Variants in DPP10 observed in about 807,000 individuals in gnomAD.
DPP10 encodes inactive dipeptidyl peptidase 10.
In DPP10, 33 loss-of-function variants were observed where a neutral mutation model predicts 120.9. The observed-to-expected ratio is 0.27, with a 90% CI of 0.21 to 0.37. The LOEUF is 0.37. DPP10 is among the 10% of genes least tolerant of loss of function. The probability of loss-of-function intolerance (pLI) is 1.00; values close to 1 mark genes in which losing one functional copy is unlikely to be tolerated. For synonymous variants in DPP10, 337 were observed against 326.1 expected (o/e 1.03, Z -0.36); for missense variants, 816 against 942.8 (o/e 0.87, Z 1.76).
Position 114,702,615 on chromosome 2 carries a change from C to A in DPP10, c.60+259777C>A, listed in dbSNP as rs139022908. Among the ~76,000 whole-genome samples the A allele has an allele frequency of 6.0e-4, 92 of 152,258 alleles. No homozygotes were observed. The East Asian group carries it at 0.016, about 27-fold the overall frequency. On this transcript the variant is annotated intron_variant, in intron 1 of 25. Transcript: ENST00000410059. Reference sequence around the variant, plus strand: ...TGGTCCATGAGGCCATTTGAAGACACTTAAAATGCCTATTTCATTCCTCAC... The same window carrying A: ...TGGTCCATGAGGCCATTTGAAGACAATTAAAATGCCTATTTCATTCCTCAC...
intron 1 of DPP10, among the ~76,000 whole-genome samples, chr2:115,303,855 C>A (rs2105991201): frequency 6.6e-6 from 1 of 151,988 alleles, no homozygotes; most frequent in East Asian, 1.9e-4. Flanking sequence ...ATTTCTATAT[C>A]TCAAGGCTTT....
At chr2:115,841,685 A>AT (rs950466433) in intron 25 of DPP10, among the ~76,000 whole-genome samples, 1 of 152,172 alleles carries the variant, frequency 6.6e-6, no homozygotes, top group African/African-American at 2.4e-5. Flanking sequence ...TAATATTTGT[A>AT]TTTTTTATTT....
chr2:115,261,272 G>A (rs993012040), intron 1 of DPP10, among the ~76,000 whole-genome samples: 3 of 152,054 alleles, frequency 2.0e-5, no homozygotes, highest in African/African-American at 7.2e-5. Flanking sequence ...TTCTTAAGTC[G>A]GCTAGAAGAC....
chr2:115,083,888 C>T (rs978105927), intron 1 of DPP10, among the ~76,000 whole-genome samples: 52 of 152,200 alleles, frequency 3.4e-4, no homozygotes, highest in African/African-American at 1.2e-3. Context: ...ATTAACAAAG[C>T]GGGACAGTAG....
chr2:115,309,322 C>A lies in DPP10; in HGVS notation c.144C>A (p.Leu48=). ...TGGTGATTTTAGTTGTATGCTCACT[C>A]ATCACTATGTCAGTCATCCTCTTAA... ...ALLVILVVCS[L]ITMSVILLTP... The change falls in exon 2 of 26, where the codon CTC becomes CTA. Residue 48 remains leucine, a synonymous_variant. Transcript: ENST00000410059. 6.2e-7 allele frequency: 1 copy of A among 1,613,456 alleles called. No homozygotes were observed. Among genetic ancestry groups the A allele is most frequent in the Non-Finnish European group, 8.5e-7 (1 of 1,179,606 alleles).
chr2:115,308,022 C>T (rs923673634), intron 1 of DPP10, among the ~76,000 whole-genome samples: 7 of 152,090 alleles, frequency 4.6e-5, no homozygotes, highest in Non-Finnish European at 1.0e-4. Context: ...AGCGATTTAT[C>T]TGAGAAGGGA....
intron 4 of DPP10, among the ~76,000 whole-genome samples, chr2:115,501,031 A>C (rs544095399): frequency 5.1e-4 from 78 of 152,164 alleles, no homozygotes; most frequent in African/African-American, 1.8e-3. Flanking sequence ...TTAAAGTCAG[A>C]ATGAATGGAT....
chr2:115,639,038 A>G (rs1292232592), intron 5 of DPP10, among the ~76,000 whole-genome samples: 1 of 152,138 alleles, frequency 6.6e-6, no homozygotes, highest in Non-Finnish European at 1.5e-5. Flanking sequence ...GGTGGCCACT[A>G]CCACTGTGAG....
At chr2:114,798,504 T>C (rs1048265428) in intron 1 of DPP10, among the ~76,000 whole-genome samples, 3 of 152,172 alleles carry the variant, frequency 2.0e-5, no homozygotes, top group African/African-American at 7.2e-5. Context: ...ATTTGTTTAT[T>C]CTTCTTTTTC....
At chr2:115,473,565 C>G (rs969759719) in intron 3 of DPP10, among the ~76,000 whole-genome samples, 2 of 152,086 alleles carry the variant, frequency 1.3e-5, no homozygotes, top group African/African-American at 2.4e-5. Context: ...GCCAATTTTT[C>G]AGAATGGGCA....
At chr2:115,516,425 G>T (rs1021986966) in intron 4 of DPP10, among the ~76,000 whole-genome samples, 1 of 151,924 alleles carries the variant, frequency 6.6e-6, no homozygotes, top group Non-Finnish European at 1.5e-5. Context: ...TGATATCTCT[G>T]CTTATCAAAA....
chr2:115,826,115 G>A (rs1688284929), intron 21 of DPP10, among the ~76,000 whole-genome samples: 1 of 152,130 alleles, frequency 6.6e-6, no homozygotes, highest in African/African-American at 2.4e-5. Flanking sequence ...GGGAAATTAG[G>A]CTGTTAACCT....
At chr2:115,184,597 C>T (rs1329365206) in intron 1 of DPP10, among the ~76,000 whole-genome samples, 1 of 152,188 alleles carries the variant, frequency 6.6e-6, no homozygotes, top group Non-Finnish European at 1.5e-5. Flanking sequence ...CAAAGCCAAG[C>T]CGGCTCTAAT....
rs552601897 is a variant in DPP10, at chr2:115,662,440, T to C, written c.442-27247T>C. Reference sequence around the variant, plus strand: ...ATTTTTATTTTTGTTTTTTATTTTTTTTTTTTAGCAACTTCTGTATTGTTT... The same window carrying C: ...ATTTTTATTTTTGTTTTTTATTTTTCTTTTTTAGCAACTTCTGTATTGTTT... On this transcript the variant is annotated intron_variant, in intron 5 of 25. Transcript: ENST00000410059. 2.0e-5 allele frequency among the ~76,000 whole-genome samples: 3 copies of C among 151,910 alleles called. No homozygotes were observed. In the East Asian group the frequency reaches 5.8e-4, roughly 29 times the overall value.
intron 1 of DPP10, among the ~76,000 whole-genome samples, chr2:114,911,730 A>T (rs968213341): frequency 1.4e-4 from 21 of 152,212 alleles, no homozygotes; most frequent in African/African-American, 4.8e-4. Flanking sequence ...TGAGAGAAAG[A>T]TAAATCATAC....
intron 3 of DPP10, among the ~76,000 whole-genome samples, chr2:115,373,882 C>G (rs1325015201): frequency 1.3e-5 from 1 of 75,234 alleles, no homozygotes; most frequent in African/African-American, 4.1e-5. Flanking sequence ...CATAGCCAAG[C>G]AGAAGAGAGA....
At chr2:115,035,524 A>G (rs989909805) in intron 1 of DPP10, among the ~76,000 whole-genome samples, 1 of 152,246 alleles carries the variant, frequency 6.6e-6, no homozygotes, top group Non-Finnish European at 1.5e-5. Flanking sequence ...TTGACACACA[A>G]CAAATTCCTA....
chr2:115,801,839 AT>A (rs1685279406), intron 19 of DPP10, among the ~76,000 whole-genome samples: 1 of 152,122 alleles, frequency 6.6e-6, no homozygotes, highest in Non-Finnish European at 1.5e-5. Context: ...GTTTGCCAGT[AT>A]TTTATTGAGG....
chr2:114,964,505 C>T (rs1005612454), intron 1 of DPP10, among the ~76,000 whole-genome samples: 2 of 151,802 alleles, frequency 1.3e-5, no homozygotes, highest in Non-Finnish European at 2.9e-5. Flanking sequence ...AAGTCTTCCC[C>T]GAGAAAGTGA....
Sources: allele counts gnomAD v4.1 joint callset (sites outside exome capture counted in the v4.1 genomes callset), GRCh38; gene constraint gnomAD v4.1.1; transcripts MANE v1.5; gene names NCBI Gene and HGNC (gene_info 2026-07-23, HGNC 2026-07-21).